The following AGBL1 variants were observed in gnomAD, a reference collection of about 807,000 sequenced individuals.
AGBL1 encodes cytosolic carboxypeptidase 4.
A neutral mutation model predicts 118.9 loss-of-function variants in AGBL1; 130 were observed. The observed-to-expected ratio is 1.09, with a 90% CI of 0.95 to 1.26. The LOEUF is 1.26. Among genes scored for constraint, AGBL1 ranks in the 50% most tolerant of loss-of-function variants. AGBL1 has a pLI of 0.00. For synonymous variants in AGBL1, 555 were observed against 478.9 expected (o/e 1.16, Z -2.08); for missense variants, 1,584 against 1,298.1 (o/e 1.22, Z -3.38).
At chr15:86,653,673 C>T (rs927060732) in intron 21 of AGBL1, among the ~76,000 whole-genome samples, 1 of 152,094 alleles carries the variant, frequency 6.6e-6, no homozygotes. Context: ...CAGGCTGTCT[C>T]CACTCCCAAA....
At chr15:86,366,990 G>A (rs1252316558) in intron 17 of AGBL1, among the ~76,000 whole-genome samples, 1 of 152,154 alleles carries the variant, frequency 6.6e-6, no homozygotes, top group African/African-American at 2.4e-5. Flanking sequence ...GGGGCGGGCC[G>A]ACTTGGGTCA....
intron 15 of AGBL1, among the ~76,000 whole-genome samples, chr15:86,277,212 G>C (rs2079268334): frequency 6.6e-6 from 1 of 151,036 alleles, no homozygotes; most frequent in African/African-American, 2.4e-5. Flanking sequence ...ACTTGTTGGT[G>C]GGGAGCCTTT....
chr15:86,791,326 C>G (rs1201392220), intron 22 of AGBL1, among the ~76,000 whole-genome samples: 1 of 152,170 alleles, frequency 6.6e-6, no homozygotes, highest in Non-Finnish European at 1.5e-5. Flanking sequence ...ATTTGTATGA[C>G]TTTGAATAAG....
chr15:86,605,240 G>A (rs1226753182), intron 21 of AGBL1, among the ~76,000 whole-genome samples: 1 of 151,922 alleles, frequency 6.6e-6, no homozygotes, highest in African/African-American at 2.4e-5. Flanking sequence ...CAACAAGCCT[G>A]TTCTTAAAGG....
At chr15:86,130,195 C>T (rs1029513653) in intron 1 of AGBL1, among the ~76,000 whole-genome samples, 1 of 152,174 alleles carries the variant, frequency 6.6e-6, no homozygotes, top group African/African-American at 2.4e-5. Flanking sequence ...TTTCTGAGGG[C>T]ACACCTGTCC....
At chr15:86,465,533 A>G (rs2082391963) in intron 18 of AGBL1, among the ~76,000 whole-genome samples, 1 of 152,202 alleles carries the variant, frequency 6.6e-6, no homozygotes, top group Non-Finnish European at 1.5e-5. Context: ...AGCGAATAGG[A>G]GAAATATTGC....
intron 17 of AGBL1, among the ~76,000 whole-genome samples, chr15:86,389,080 G>A (rs910071208): frequency 5.3e-5 from 8 of 152,100 alleles, no homozygotes; most frequent in African/African-American, 1.9e-4. Flanking sequence ...AGCTTTTGAA[G>A]AGAAGAAAAT....
intron 18 of AGBL1, among the ~76,000 whole-genome samples, chr15:86,400,743 T>C (rs1458081226): frequency 6.6e-6 from 1 of 152,104 alleles, no homozygotes; most frequent in Non-Finnish European, 1.5e-5. Context: ...TCACTTAGAA[T>C]AACAGTCTCC....
intron 17 of AGBL1, among the ~76,000 whole-genome samples, chr15:86,298,591 C>T (rs948902525): frequency 2.6e-5 from 4 of 151,980 alleles, no homozygotes; most frequent in African/African-American, 7.3e-5. Flanking sequence ...TCAAGATTCT[C>T]CTGCCTCCAG....
At chr15:86,610,682 A>G (rs987463851) in intron 21 of AGBL1, among the ~76,000 whole-genome samples, 6 of 152,206 alleles carry the variant, frequency 3.9e-5, no homozygotes, top group African/African-American at 1.4e-4. Context: ...TTTGAATGCA[A>G]AAACTCTGCT....
At chr15:86,123,447 C>CCA (rs1430157421) in intron 1 of AGBL1, among the ~76,000 whole-genome samples, 1 of 152,152 alleles carries the variant, frequency 6.6e-6, no homozygotes, top group Non-Finnish European at 1.5e-5. Flanking sequence ...ACCATGTTGG[C>CCA]CAGGCTGCTC....
At chr15:86,715,343 G>A (rs760693799) in intron 22 of AGBL1, among the ~76,000 whole-genome samples, 1 of 152,268 alleles carries the variant, frequency 6.6e-6, no homozygotes, top group East Asian at 1.9e-4. Flanking sequence ...CAGCTCTGAT[G>A]GACTGCTCTT....
intron 17 of AGBL1, among the ~76,000 whole-genome samples, chr15:86,301,313 T>C (rs1000064234): frequency 2.0e-5 from 3 of 152,008 alleles, no homozygotes; most frequent in African/African-American, 7.3e-5. Flanking sequence ...CTGAGGGACA[T>C]AGGGACATGA....
intron 1 of AGBL1, among the ~76,000 whole-genome samples, chr15:86,089,952 T>C (rs184521048): frequency 2.1e-4 from 32 of 152,286 alleles, no homozygotes; most frequent in African/African-American, 7.5e-4. Context: ...AAGATGATAA[T>C]ATTTGAAGAA....
intron 22 of AGBL1, among the ~76,000 whole-genome samples, chr15:86,747,562 T>C (rs1407179142): frequency 6.6e-6 from 1 of 152,146 alleles, no homozygotes; most frequent in African/African-American, 2.4e-5. Context: ...ATGTGCCATG[T>C]TGGTGTGCTG....
chr15:86,160,942 G>T (rs977330151), intron 5 of AGBL1, among the ~76,000 whole-genome samples: 1 of 152,128 alleles, frequency 6.6e-6, no homozygotes, highest in African/African-American at 2.4e-5. Flanking sequence ...AACTTGTGGG[G>T]TAGCGGGGAG....
At chr15:86,895,748 C>G (rs1345678115) in intron 22 of AGBL1, among the ~76,000 whole-genome samples, 1 of 151,922 alleles carries the variant, frequency 6.6e-6, no homozygotes, top group African/African-American at 2.4e-5. Flanking sequence ...CCTAGTTTCC[C>G]TTATTTAATT....
At chr15:86,098,168 TA>T (rs2141487158) in intron 1 of AGBL1, among the ~76,000 whole-genome samples, 2 of 152,192 alleles carry the variant, frequency 1.3e-5, no homozygotes, top group African/African-American at 4.8e-5. Flanking sequence ...TAAAACTATT[TA>T]TTTTTTTTTT....
At chr15:86,327,762 T>C (rs1406602266) in intron 17 of AGBL1, among the ~76,000 whole-genome samples, 1 of 152,190 alleles carries the variant, frequency 6.6e-6, no homozygotes, top group African/African-American at 2.4e-5. Flanking sequence ...TATTTACAAA[T>C]GAACCTTAGG....
Sources: allele counts gnomAD v4.1 joint callset (sites outside exome capture counted in the v4.1 genomes callset), GRCh38; gene constraint gnomAD v4.1.1; transcripts MANE v1.5; gene names NCBI Gene and HGNC (gene_info 2026-07-23, HGNC 2026-07-21).